The following NUP160 variants were observed in gnomAD, a reference collection of about 807,000 sequenced individuals.
NUP160 encodes nuclear pore complex protein Nup160.
In NUP160, 94 loss-of-function variants were observed where a neutral mutation model predicts 196.9. The ratio of observed to expected loss-of-function variants is 0.48; its 90% CI spans 0.40 to 0.57. NUP160 has a LOEUF of 0.57. Among genes scored for constraint, NUP160 ranks in the 20% least tolerant of loss-of-function variants. The pLI is 0.00. For synonymous variants in NUP160, 605 were observed against 619.7 expected (o/e 0.98, Z 0.35); for missense variants, 1,638 against 1,748.3 (o/e 0.94, Z 1.13).
At chr11:47,838,876 T>C (rs991314770) in intron 4 of NUP160, among the ~76,000 whole-genome samples, 1 of 151,672 alleles carries the variant, frequency 6.6e-6, no homozygotes, top group Non-Finnish European at 1.5e-5. Context: ...TGGTGGCAAA[T>C]GCCTGTAATC....
intron 12 of NUP160, 52 bp downstream of exon 12, chr11:47,815,894 G>A (rs2097684139): frequency 7.3e-7 from 1 of 1,361,806 alleles, no homozygotes; most frequent in Non-Finnish European, 1.0e-6. Context: ...GTACCAATCT[G>A]CCCTATATCA....
chr11:47,822,054 C>T (rs373589335), intron 8 of NUP160, 33 bp downstream of exon 8: 117 of 1,387,904 alleles, frequency 8.4e-5, no homozygotes, highest in Non-Finnish European at 2.1e-5. Context: ...TTTTCTTGTA[C>T]TTATGTGATA....
rs765528733 is a variant in NUP160 at position 47,792,916 on chromosome 11, C to T, written c.3320G>A (p.Arg1107Gln). The T allele has an allele frequency of 1.5e-5, 25 of 1,613,902 alleles. No individual in the cohort carries two copies. Among genetic ancestry groups the T allele is most frequent in the Non-Finnish European group, 1.9e-5 (23 of 1,179,950 alleles). ...GAGAGTTCGAACTTCTCTGCCAAGC[C>T]GCATTCCATACTCAAACATCACTGT... Residue 1107 changes from arginine to glutamine, a missense_variant, in exon 28 of 36, where the codon CGG (arginine) becomes CAG (glutamine). By Grantham distance (43) the Arg-to-Gln change is conservative. Transcript: ENST00000378460.
chr11:47,791,503 G>A (rs890061798), intron 29 of NUP160, among the ~76,000 whole-genome samples: 3 of 152,092 alleles, frequency 2.0e-5, no homozygotes, highest in African/African-American at 7.2e-5. Flanking sequence ...CTACTGCCCA[G>A]CTAATTTTTG....
intron 4 of NUP160, among the ~76,000 whole-genome samples, chr11:47,839,154 C>T (rs886780123): frequency 3.3e-5 from 5 of 152,082 alleles, no homozygotes; most frequent in South Asian, 4.2e-4. Flanking sequence ...TGCAATGGCA[C>T]GATCTTGGCT....
At chr11:47,803,477 C>A in exon 22 of NUP160, 2 of 1,612,238 alleles carry the variant, frequency 1.2e-6, no homozygotes, top group Non-Finnish European at 1.7e-6. Flanking sequence ...ACCTTCCCAG[C>A]ATAAATCGAC....
At chr11:47,829,868 T>G (rs1852040193) in intron 7 of NUP160, among the ~76,000 whole-genome samples, 1 of 152,044 alleles carries the variant, frequency 6.6e-6, no homozygotes, top group African/African-American at 2.4e-5. Flanking sequence ...AATTGACAAG[T>G]GGGATCTAAT....
At chr11:47,807,516 A>C (rs1029529076) in intron 18 of NUP160, among the ~76,000 whole-genome samples, 1 of 151,978 alleles carries the variant, frequency 6.6e-6, no homozygotes, top group Non-Finnish European at 1.5e-5. Context: ...AAATACCAAA[A>C]ATTAGCCAGG....
intron 17 of NUP160, among the ~76,000 whole-genome samples, chr11:47,810,093 T>A (rs1319622410): frequency 1.3e-5 from 2 of 152,054 alleles, no homozygotes; most frequent in Non-Finnish European, 2.9e-5. Context: ...AATGGAAGAA[T>A]CTACATAGAT....
intron 23 of NUP160, among the ~76,000 whole-genome samples, chr11:47,798,929 C>T (rs2097672491): frequency 6.9e-6 from 1 of 145,696 alleles, no homozygotes; most frequent in South Asian, 2.2e-4. Context: ...GGCGAGACCC[C>T]ATCTCTATTA....
chr11:47,827,504 A>C (rs1439556895), intron 7 of NUP160, among the ~76,000 whole-genome samples: 1 of 152,168 alleles, frequency 6.6e-6, no homozygotes, highest in Non-Finnish European at 1.5e-5. Context: ...GCAAAGATGC[A>C]TAGCATGGCC....
exon 16 of NUP160, chr11:47,812,377 T>A: frequency 3.7e-6 from 6 of 1,613,840 alleles, no homozygotes; most frequent in Non-Finnish European, 3.4e-6. Flanking sequence ...ATTGCATGGA[T>A]TGGGTTCCTA....
exon 31 of NUP160, chr11:47,788,305 C>T (rs778906058): frequency 6.2e-7 from 1 of 1,613,414 alleles, no homozygotes; most frequent in Non-Finnish European, 8.5e-7. Flanking sequence ...TGATGAACTT[C>T]CTGTGAAAAT....
Position 47,785,106 on chromosome 11 carries a change from T to TTTTTTTTTTTTTTTTTG in NUP160, c.3849-44_3849-43insCAAAAAAAAAAAAAAAA. 6.1e-5 allele frequency: 60 copies of TTTTTTTTTTTTTTTTTG among 981,254 alleles called. 3 individuals carry two copies. The highest frequency in any genetic ancestry group is 2.6e-4 in the Middle Eastern group (1 of 3,806). The allele number at this position is 981,254 out of a possible 1,614,324, so 60.8% of individuals were successfully genotyped here. Reference sequence around the variant, plus strand: ...TGACTAATGAGTTTCAGATTCTTAATAGCTATTTAGAGTACCATTCAAAGC... The same window carrying TTTTTTTTTTTTTTTTTG: ...TGACTAATGAGTTTCAGATTCTTAATTTTTTTTTTTTTTTTTGAGCTATTTAGAGTACCATTCAAAGC... On this transcript the variant is annotated intron_variant, in intron 32 of 35. Transcript: ENST00000378460.
In NUP160 at chr11:47,845,934, A is replaced by C. The variant is rs1210563709; in HGVS notation, c.314+1914T>G. Among the ~76,000 whole-genome samples the C allele has an allele frequency of 2.0e-5, 3 of 152,282 alleles. No individual in the cohort carries two copies. In the South Asian group the frequency reaches 6.2e-4, roughly 32 times the overall value. On this transcript the variant is annotated intron_variant, in intron 2 of 35. Transcript: ENST00000378460. The stretch of plus-strand genomic sequence containing the variant: ...CACTGCTTGAGTCTGGCAGTTCAAG[A>C]CCAGTCTGGACAACAAGGCAAAACC...
intron 2 of NUP160, among the ~76,000 whole-genome samples, chr11:47,844,358 A>G (rs1852361091): frequency 6.6e-6 from 1 of 152,174 alleles, no homozygotes; most frequent in South Asian, 2.1e-4. Context: ...GCTTCTTCTC[A>G]TCTTACTCAG....
intron 31 of NUP160, among the ~76,000 whole-genome samples, 169 bp downstream of exon 31, chr11:47,788,013 C>G (rs576632033): frequency 6.6e-6 from 1 of 152,168 alleles, no homozygotes; most frequent in Non-Finnish European, 1.5e-5. Context: ...TGAGCCACTG[C>G]GCTCAGCCTG....
intron 7 of NUP160, among the ~76,000 whole-genome samples, chr11:47,826,569 C>CTTTT: frequency 6.6e-6 from 1 of 150,840 alleles, no homozygotes; most frequent in African/African-American, 2.4e-5. Context: ...ATCCCCCCCC[C>CTTTT]CTTTTTTTTT....
rs532655688 is a variant in NUP160 at position 47,812,645 on chromosome 11, T to A, written c.1953-216A>T. Among the ~76,000 whole-genome samples, 6 of 152,324 alleles carry A rather than the reference T, an allele frequency of 3.9e-5. No homozygotes were observed. The East Asian group carries it at 1.2e-3, about 29-fold the overall frequency. On this transcript the variant is annotated intron_variant, in intron 15 of 35. Coordinates refer to ENST00000378460, the Ensembl canonical transcript of NUP160. ...ACAAACATGAGAAGAACACTTTTGC[T>A]TTTTAGAATTTTTAGCTCGGTTAAT...
Sources: gnomAD v4.1 joint callset for allele counts (sites outside exome capture counted in the v4.1 genomes callset) on GRCh38, gnomAD v4.1.1 for gene constraint, MANE v1.5 for transcripts, NCBI Gene and HGNC (gene_info 2026-07-23, HGNC 2026-07-21) for gene names.